The following CADM2 variants were observed in gnomAD, a reference collection of about 807,000 sequenced individuals.
CADM2 encodes the protein immunoglobulin superfamily member 4D.
A neutral mutation model predicts 49.8 loss-of-function variants in CADM2; 12 were observed. That is an observed-to-expected ratio of 0.24 (90% confidence interval 0.15 to 0.39). CADM2 has a LOEUF of 0.39. Ranked by LOEUF, CADM2 falls within the 10% of genes least tolerant of loss-of-function variation. The pLI is 1.00. For missense variants in CADM2, 378 were observed against 492.3 expected (o/e 0.77, Z 2.20); for synonymous variants, 214 against 175.4 (o/e 1.22, Z -1.74).
intron 1 of CADM2, among the ~76,000 whole-genome samples, chr3:85,668,454 A>ATC (rs890921794): frequency 6.6e-6 from 1 of 152,070 alleles, no homozygotes; most frequent in African/African-American, 2.4e-5. Flanking sequence ...CCCCACCCAA[A>ATC]TCTCATCTTG....
At chr3:85,213,273 C>A (rs945563363) in intron 1 of CADM2, among the ~76,000 whole-genome samples, 1 of 152,020 alleles carries the variant, frequency 6.6e-6, no homozygotes, top group Non-Finnish European at 1.5e-5. Flanking sequence ...AATCACTCTG[C>A]TTTTGCTTGT....
intron 1 of CADM2, among the ~76,000 whole-genome samples, chr3:84,963,333 C>A (rs73843246): frequency 0.024 from 3,667 of 152,214 alleles, 161 homozygotes; most frequent in African/African-American, 0.083. Context: ...CTTGCTGAAA[C>A]CTTATGCCTT....
chr3:85,180,261 C>A (rs536380994), intron 1 of CADM2, among the ~76,000 whole-genome samples: 1 of 152,110 alleles, frequency 6.6e-6, no homozygotes, highest in South Asian at 2.1e-4. Flanking sequence ...GTAATCCCAG[C>A]ACTTTGGGAG....
intron 1 of CADM2, among the ~76,000 whole-genome samples, chr3:85,166,136 T>A (rs916514876): frequency 6.6e-6 from 1 of 151,824 alleles, no homozygotes; most frequent in Non-Finnish European, 1.5e-5. Flanking sequence ...CTGATAACTG[T>A]ACAGATCCAC....
At chr3:85,288,784 G>C (rs1576287068) in intron 1 of CADM2, among the ~76,000 whole-genome samples, 21 of 88,186 alleles carry the variant, frequency 2.4e-4, no homozygotes, top group Non-Finnish European at 3.7e-4. Flanking sequence ...TTACCAATAT[G>C]CCCCCCCCCC....
intron 1 of CADM2, among the ~76,000 whole-genome samples, chr3:85,126,566 T>G (rs1282698236): frequency 6.6e-6 from 1 of 152,158 alleles, no homozygotes; most frequent in African/African-American, 2.4e-5. Context: ...GTCTTTTATT[T>G]CATGCTATTA....
chr3:85,175,095 G>T (rs2040742548), intron 1 of CADM2, among the ~76,000 whole-genome samples: 1 of 152,082 alleles, frequency 6.6e-6, no homozygotes, highest in African/African-American at 2.4e-5. Flanking sequence ...CACTCATTAG[G>T]ATGGCAACTG....
At chr3:85,417,048 T>G (rs1177439078) in intron 1 of CADM2, among the ~76,000 whole-genome samples, 8 of 152,110 alleles carry the variant, frequency 5.3e-5, no homozygotes, top group Non-Finnish European at 1.2e-4. Flanking sequence ...GATGATTATA[T>G]CCTAACATGT....
At chr3:85,391,451 A>T (rs967061157) in intron 1 of CADM2, among the ~76,000 whole-genome samples, 2 of 152,004 alleles carry the variant, frequency 1.3e-5, no homozygotes, top group Admixed American at 1.3e-4. Context: ...CTTAACCCAA[A>T]TTTTGTCGGA....
intron 1 of CADM2, among the ~76,000 whole-genome samples, chr3:85,337,700 T>C (rs2045127243): frequency 2.0e-5 from 3 of 151,396 alleles, no homozygotes; most frequent in Admixed American, 6.6e-5. Flanking sequence ...ATTTTTGCTC[T>C]TTTTTCTACA....
At chr3:85,940,335 A>G (rs1421330441) in intron 7 of CADM2, among the ~76,000 whole-genome samples, 2 of 151,876 alleles carry the variant, frequency 1.3e-5, no homozygotes, top group Non-Finnish European at 2.9e-5. Context: ...GCAAAACTCC[A>G]TCCAAAAAAA....
intron 1 of CADM2, among the ~76,000 whole-genome samples, chr3:85,071,687 A>G (rs2036749524): frequency 6.6e-6 from 1 of 152,134 alleles, no homozygotes; most frequent in South Asian, 2.1e-4. Context: ...GGGAGAGTGG[A>G]TAGTTAAATC....
chr3:85,404,942 C>A (rs1311810815), intron 1 of CADM2, among the ~76,000 whole-genome samples: 1 of 152,040 alleles, frequency 6.6e-6, no homozygotes. Context: ...GATAGACCTT[C>A]CTATTTTACA....
At chr3:85,474,350 T>C (rs931888016) in intron 1 of CADM2, among the ~76,000 whole-genome samples, 3 of 151,880 alleles carry the variant, frequency 2.0e-5, no homozygotes, top group African/African-American at 4.8e-5. Context: ...AGGAGGCCAG[T>C]CTTTGTTTTA....
At chr3:85,058,054 A>G (rs2036158362) in intron 1 of CADM2, among the ~76,000 whole-genome samples, 1 of 152,230 alleles carries the variant, frequency 6.6e-6, no homozygotes, top group Non-Finnish European at 1.5e-5. Context: ...CATTTCTCAC[A>G]GATTCTTTGA....
chr3:85,593,511 G>C (rs1425768138), intron 1 of CADM2, among the ~76,000 whole-genome samples: 1 of 151,948 alleles, frequency 6.6e-6, no homozygotes, highest in Non-Finnish European at 1.5e-5. Context: ...TATCGTCATA[G>C]AGCATTTGTT....
intron 1 of CADM2, among the ~76,000 whole-genome samples, chr3:85,366,202 CAG>C (rs1052077387): frequency 6.6e-6 from 1 of 152,158 alleles, no homozygotes; most frequent in Non-Finnish European, 1.5e-5. Flanking sequence ...CAAATAGCCA[CAG>C]AGTGTCTTTT....
At chr3:85,188,177 T>C (rs1453983246) in intron 1 of CADM2, among the ~76,000 whole-genome samples, 1 of 152,130 alleles carries the variant, frequency 6.6e-6, no homozygotes, top group Non-Finnish European at 1.5e-5. Flanking sequence ...GCCTATGGAA[T>C]ACATGTGATT....
chr3:85,160,619 T>A (rs1371075725), intron 1 of CADM2, among the ~76,000 whole-genome samples: 1 of 152,188 alleles, frequency 6.6e-6, no homozygotes, highest in Non-Finnish European at 1.5e-5. Flanking sequence ...AATTAGGCTA[T>A]TTTCTTCTGT....
Sources: allele counts gnomAD v4.1 joint callset (sites outside exome capture counted in the v4.1 genomes callset), GRCh38; gene constraint gnomAD v4.1.1; transcripts MANE v1.5; gene names NCBI Gene and HGNC (gene_info 2026-07-23, HGNC 2026-07-21).